Variants in IPPK observed in about 807,000 individuals in gnomAD.
The protein encoded by IPPK is IPK1 homolog.
IPPK carries 22 observed loss-of-function variants against 64.6 expected under a neutral mutation model. The observed-to-expected ratio is 0.34, with a 90% confidence interval of 0.24 to 0.49. The LOEUF (loss-of-function observed/expected upper bound fraction) is 0.49. Among genes scored for constraint, IPPK ranks in the 20% least tolerant of loss-of-function variants. The pLI is 0.99. For synonymous variants in IPPK, 262 were observed against 247.2 expected, an observed-to-expected ratio of 1.06 and a Z score of -0.56; for missense variants, 532 against 630.7, an observed-to-expected ratio of 0.84 and a Z score of 1.68.
At chr9:92,644,915 T>C (rs1292954667) in intron 6 of IPPK, among the ~76,000 whole-genome samples, 1 of 151,766 alleles carries the variant, frequency 6.6e-6, no homozygotes, top group Admixed American at 6.6e-5. Context: ...AAAAAAGCAA[T>C]CACTAGACTG....
At chr9:92,646,801 C>A (rs569737183) in intron 6 of IPPK, among the ~76,000 whole-genome samples, 5 of 151,998 alleles carry the variant, frequency 3.3e-5, no homozygotes, top group African/African-American at 4.8e-5. Context: ...ACTAAAAATA[C>A]AAAAAATTAG....
At chr9:92,654,050 C>CA (rs1482173776) in intron 3 of IPPK, among the ~76,000 whole-genome samples, 8 of 152,156 alleles carry the variant, frequency 5.3e-5, no homozygotes, top group Admixed American at 3.3e-4. Context: ...CTGGGAGACA[C>CA]AGCAGCTACG....
chr9:92,619,273 G>C, intron 12 of IPPK: 2 of 546,010 alleles, frequency 3.7e-6, no homozygotes, highest in East Asian at 2.9e-5. Flanking sequence ...ATCCTTTTAA[G>C]TTATTCTCCA....
At chr9:92,667,031 G>A (rs1231324339) in intron 1 of IPPK, among the ~76,000 whole-genome samples, 1 of 152,218 alleles carries the variant, frequency 6.6e-6, no homozygotes, top group Non-Finnish European at 1.5e-5. Flanking sequence ...GCTCCTGCAG[G>A]ACGAGCTCAG....
intron 9 of IPPK, among the ~76,000 whole-genome samples, chr9:92,636,412 A>G (rs1246035155): frequency 6.6e-6 from 1 of 152,208 alleles, no homozygotes; most frequent in Non-Finnish European, 1.5e-5. Context: ...CAATGCTGGC[A>G]GATTGCTTGA....
At chr9:92,645,050 C>A (rs1455183571) in intron 6 of IPPK, among the ~76,000 whole-genome samples, 2 of 152,024 alleles carry the variant, frequency 1.3e-5, no homozygotes, top group East Asian at 1.9e-4. Flanking sequence ...AATGTCTCAA[C>A]AAATAGAGAA....
chr9:92,630,241 A>G (rs185141158), intron 11 of IPPK, among the ~76,000 whole-genome samples: 10 of 152,340 alleles, frequency 6.6e-5, no homozygotes, highest in Admixed American at 3.9e-4. Flanking sequence ...ACATGGATGA[A>G]CCTTGAAGAC....
rs148738677 is a variant in IPPK at position 92,638,087 on chromosome 9, C to T, written c.830G>A (p.Arg277Gln). Reference protein sequence around the residue: ...RVLLSGSDKGRAGTLSPGLGP... With the variant: ...RVLLSGSDKGQAGTLSPGLGP... ...GAGCCCCGGACTCAGGGTGCCTGCC[C>T]GGCCCTTGTCCGAGCCACTCAGCAG... Residue 277 changes from arginine (R) to glutamine (Q), a missense_variant, in exon 9 of 13, where the codon CGG (arginine) becomes CAG (glutamine). Arg to Gln is a conservative substitution (Grantham distance 43). Transcript: ENST00000287996. 24 of 1,613,206 alleles carry T rather than the reference C, an allele frequency of 1.5e-5. No individual in the cohort carries two copies. The highest frequency in any genetic ancestry group is 1.1e-4 in the African/African-American group (8 of 75,052).
At chr9:92,616,357 G>C in intron 12 of IPPK, 1 of 290,736 alleles carries the variant, frequency 3.4e-6, no homozygotes, top group Non-Finnish European at 6.5e-6. Context: ...AGGCGAGAGA[G>C]GGTTAAAGGA....
rs775571973 is a variant in IPPK at position 92,652,634 on chromosome 9, G to A, written c.231C>T (p.Val77=). 12 of 1,555,976 alleles carry A rather than the reference G, an allele frequency of 7.7e-6. No individual in the cohort carries two copies. Among genetic ancestry groups the A allele is most frequent in the African/African-American group, 1.3e-5 (1 of 74,168 alleles). ...LGENYVHYGE[V]VQLPLEFVKQ... is the part of the protein sequence containing the mutation. ...TCACAAACTCTAAAGGTAGCTGAAC[G>A]ACCTCCTGTAAGAAAATACATGAAA... is the stretch of plus-strand genomic sequence containing the variant. Residue 77 remains valine, a synonymous_variant, in exon 4 of 13, where the codon GTC becomes GTT. Transcript: ENST00000287996.
intron 11 of IPPK, among the ~76,000 whole-genome samples, chr9:92,624,004 T>C (rs1389536517): frequency 6.6e-6 from 1 of 152,232 alleles, no homozygotes; most frequent in Non-Finnish European, 1.5e-5. Context: ...ATGTTGTCAC[T>C]GGGTTCTTGG....
intron 12 of IPPK, chr9:92,616,897 T>C (rs1408614431): frequency 6.6e-6 from 1 of 152,212 alleles, no homozygotes; most frequent in East Asian, 1.9e-4. Flanking sequence ...TCCCAATGTT[T>C]ACTACGCTTT....
chr9:92,620,605 C>A (rs1400467890), intron 11 of IPPK: 1 of 152,258 alleles, frequency 6.6e-6, no homozygotes, highest in Non-Finnish European at 1.5e-5. Context: ...TCCCTTTTAA[C>A]CACTCCCCTC....
intron 11 of IPPK, among the ~76,000 whole-genome samples, chr9:92,622,805 T>G (rs1851667227): frequency 6.6e-6 from 1 of 152,126 alleles, no homozygotes; most frequent in Non-Finnish European, 1.5e-5. Flanking sequence ...CATGTAGATA[T>G]GCAAAAGGTC....
chr9:92,648,166 A>C lies in IPPK; in HGVS notation c.415-18T>G. The C allele has an allele frequency of 6.4e-7, 1 of 1,570,006 alleles. No individual in the cohort carries two copies. Among genetic ancestry groups the C allele is most frequent in the Non-Finnish European group, 8.7e-7 (1 of 1,143,078 alleles). ...CATTTTGGCTGTAAAATAAACAAAT[A>C]AGGAGGAAAAATATTTAGGAAGAAA... On this transcript the variant is annotated intron_variant, in intron 5 of 12. Coordinates refer to ENST00000287996, the MANE Select transcript of IPPK (RefSeq NM_022755.6).
chr9:92,632,186 C>T (rs962212940), intron 11 of IPPK, among the ~76,000 whole-genome samples: 1 of 152,190 alleles, frequency 6.6e-6, no homozygotes, highest in African/African-American at 2.4e-5. Flanking sequence ...GTGAACATTT[C>T]TGTACAGGTT....
intron 11 of IPPK, among the ~76,000 whole-genome samples, chr9:92,634,060 T>C (rs1488103467): frequency 1.3e-5 from 2 of 152,194 alleles, no homozygotes; most frequent in East Asian, 3.8e-4. Flanking sequence ...AAGGGCCTTG[T>C]AGCAAGGGAC....
At chr9:92,616,170 A>C in intron 12 of IPPK, 113 bp from the exon 13 acceptor site, 1 of 725,338 alleles carries the variant, frequency 1.4e-6, no homozygotes, top group Middle Eastern at 2.4e-4. Context: ...TTTTTCTTTG[A>C]CTTCTGCAAA....
chr9:92,629,185 ATAAAACTAT>A (rs1564029655), intron 11 of IPPK, among the ~76,000 whole-genome samples: 1 of 152,240 alleles, frequency 6.6e-6, no homozygotes, highest in East Asian at 1.9e-4. Flanking sequence ...AGCTAAAACT[ATAAAACTAT>A]TAAAAGGGAA....
Sources: allele counts gnomAD v4.1 joint callset (sites outside exome capture counted in the v4.1 genomes callset), GRCh38; gene constraint gnomAD v4.1.1; transcripts MANE v1.5; gene names NCBI Gene and HGNC (gene_info 2026-07-23, HGNC 2026-07-21).